BLM: variants seen among roughly 807,000 people sequenced by gnomAD.
BLM encodes recQ-like DNA helicase BLM.
A neutral mutation model predicts 135.3 loss-of-function variants in BLM; 95 were observed. That is an observed-to-expected ratio of 0.70 (90% confidence interval 0.59 to 0.83). The LOEUF is 0.83. Among genes scored for constraint, BLM ranks in the 40% least tolerant of loss-of-function variants. The probability of loss-of-function intolerance (pLI) is 0.00; values close to 1 mark genes in which losing one functional copy is unlikely to be tolerated. For synonymous variants in BLM, 520 were observed against 589.2 expected (o/e 0.88, Z 1.70); for missense variants, 1,518 against 1,663.9 (o/e 0.91, Z 1.53).
chr15:90,776,004 T>A (rs1896468049), intron 12 of BLM, among the ~76,000 whole-genome samples: 1 of 152,150 alleles, frequency 6.6e-6, no homozygotes, highest in Non-Finnish European at 1.5e-5. Flanking sequence ...GTTGTTCACT[T>A]AGTTGACATA....
chr15:90,811,802 TGTATACC>T (rs1897428752), intron 21 of BLM, among the ~76,000 whole-genome samples: 1 of 127,982 alleles, frequency 7.8e-6, no homozygotes, highest in African/African-American at 3.7e-5. Flanking sequence ...GGACTCCAGG[TGTATACC>T]ATCACTCCTG....
At chr15:90,751,714 A>T in intron 3 of BLM, 73 bp from the exon 4 acceptor site, 1 of 1,345,144 alleles carries the variant, frequency 7.4e-7, no homozygotes, top group Non-Finnish European at 1.1e-6. Context: ...ACTCATTCTT[A>T]ATCGCTCATG....
chr15:90,755,003 A>C (rs1895781626), intron 5 of BLM, 65 bp downstream of exon 5: 1 of 1,584,382 alleles, frequency 6.3e-7, no homozygotes, highest in African/African-American at 1.3e-5. Flanking sequence ...AACGTAACAC[A>C]AAGATTGTGT....
chr15:90,812,154 C>A (rs1309331267), intron 21 of BLM, among the ~76,000 whole-genome samples: 1 of 152,148 alleles, frequency 6.6e-6, no homozygotes, highest in African/African-American at 2.4e-5. Flanking sequence ...TGCTCCGCTG[C>A]TTTTATTGCT....
At chr15:90,759,942 T>A (rs1404527169) in intron 5 of BLM, 8 of 372,158 alleles carry the variant, frequency 2.1e-5, no homozygotes, top group Admixed American at 4.2e-5. Flanking sequence ...GAAAAAGAAA[T>A]CAAGATCTTA....
intron 1 of BLM, among the ~76,000 whole-genome samples, chr15:90,737,524 G>A (rs971533666): frequency 2.0e-5 from 3 of 152,182 alleles, no homozygotes; most frequent in African/African-American, 7.2e-5. Flanking sequence ...CATGAATGTT[G>A]TGCCAGGTAA....
rs1284962627 is a variant in BLM at position 90,784,934 on chromosome 15, A to G, written c.2676A>G (p.Ile892Met). ...IRKHHPYDSGIIYCLSRRECD... is the reference protein window; with the variant it reads ...IRKHHPYDSGMIYCLSRRECD... ...GTTTCTTGGCAGATGATTCAGGGAT[A>G]ATTTACTGCCTCTCCAGGCGAGAAT... is the stretch of plus-strand genomic sequence containing the variant. Residue 892 changes from isoleucine to methionine, a missense_variant, in exon 14 of 22, where the codon ATA (isoleucine) becomes ATG (methionine). Ile to Met is a conservative substitution (Grantham distance 10, BLOSUM62 1). This residue lies in a region of BLM where 626 missense variants were observed against 681.1 expected (regional missense o/e 0.92). Coordinates refer to ENST00000355112, the MANE Select transcript of BLM (RefSeq NM_000057.4). The G allele has an allele frequency of 1.2e-6, 2 of 1,613,684 alleles. No homozygotes were observed. The highest frequency in any genetic ancestry group is 1.6e-4 in the Middle Eastern group (1 of 6,062).
rs529887962 is a variant in BLM, at chr15:90,758,356, G to T, written c.1088-1791G>T. On this transcript the variant is annotated intron_variant, in intron 5 of 21. Coordinates refer to ENST00000355112, the MANE Select transcript of BLM (RefSeq NM_000057.4). ...ATACAAAAAAGCCGAGCGTGGTAGC[G>T]TGTGCTTGTAGTCCCAGGCACTCAG... Among the ~76,000 whole-genome samples the T allele has an allele frequency of 3.9e-5, 6 of 152,264 alleles. No individual in the cohort carries two copies. The East Asian group carries it at 1.2e-3, about 30-fold the overall frequency.
intron 14 of BLM, among the ~76,000 whole-genome samples, chr15:90,788,370 T>C (rs1896805714): frequency 6.6e-6 from 1 of 151,776 alleles, no homozygotes; most frequent in Admixed American, 6.6e-5. Flanking sequence ...TTTTCAGATA[T>C]GCAAAAAGTT....
intron 16 of BLM, among the ~76,000 whole-genome samples, chr15:90,795,781 C>T (rs1234842615): frequency 1.3e-5 from 2 of 152,112 alleles, no homozygotes; most frequent in Non-Finnish European, 2.9e-5. Context: ...AATAAATATA[C>T]ATGAAAGGAT....
chr15:90,798,407 T>C, intron 17 of BLM, 70 bp downstream of exon 17: 2 of 1,506,874 alleles, frequency 1.3e-6, no homozygotes, highest in Non-Finnish European at 1.8e-6. Context: ...TTATTACAAG[T>C]ACATAGAAAA....
intron 10 of BLM, among the ~76,000 whole-genome samples, chr15:90,767,942 CT>C (rs201459311): frequency 6.8e-6 from 1 of 148,050 alleles, no homozygotes; most frequent in East Asian, 1.9e-4. Flanking sequence ...GTTGGTTACA[CT>C]TTTTTTTTCT....
rs1414271050 is a variant in BLM at position 90,808,749 on chromosome 15, G to A, written c.3752-388G>A. 1.5e-5 allele frequency: 5 copies of A among 326,940 alleles called. No homozygotes were observed. The Admixed American group carries it at 1.8e-4, about 12-fold the overall frequency. The allele number at this position is 326,940 out of a possible 1,614,324, so 20.3% of individuals were successfully genotyped here. A position where few individuals can be genotyped will look rare whatever the true frequency, so the allele number is the denominator to read the frequency against. On this transcript the variant is annotated intron_variant, in intron 19 of 21. Coordinates refer to ENST00000355112, the MANE Select transcript of BLM (RefSeq NM_000057.4). ...GGAGTGCAGAGAAGAGGCTGGAGCT[G>A]GAAATAGAAATGCAGCGTTCTCAGT...
intron 17 of BLM, among the ~76,000 whole-genome samples, chr15:90,799,167 AAAAGAAAG>A (rs1161757946): frequency 2.0e-5 from 3 of 151,872 alleles, no homozygotes; most frequent in Non-Finnish European, 4.4e-5. Context: ...CCATCTCAAA[AAAAGAAAG>A]AAATGGACAG....
In BLM at chr15:90,769,202, G is replaced by A. The variant is rs1198070682; in HGVS notation, c.2377G>A (p.Val793Ile). Residue 793 changes from valine (V) to isoleucine (I), a missense_variant, in exon 11 of 22, where the codon GTT becomes ATT. By Grantham distance (29) the Val-to-Ile change is conservative (BLOSUM62 3). Transcript: ENST00000355112. Reference sequence around the variant, plus strand: ...TGAGAGGAAGCTCTTGGCACGTTTTGTTATTGATGAAGCACATTGTGTCAG... The same window carrying A: ...TGAGAGGAAGCTCTTGGCACGTTTTATTATTGATGAAGCACATTGTGTCAG... ...LYERKLLARF[V>I]IDEAHCVSQW... 4 of 1,613,444 alleles carry A rather than the reference G, an allele frequency of 2.5e-6. No individual in the cohort carries two copies. The East Asian group carries it at 8.9e-5, about 36-fold the overall frequency.
chr15:90,808,868 G>A (rs538251032), intron 19 of BLM: 39 of 523,648 alleles, frequency 7.4e-5, no homozygotes, highest in African/African-American at 4.2e-4. Flanking sequence ...CATGGCACAG[G>A]TCCCACCCTC....
At position 90,811,391 on chromosome 15, in the gene BLM, G is replaced by T. The variant is rs891751726; in HGVS notation, c.4061G>T (p.Gly1354Val). 3 of 1,614,178 alleles carry T rather than the reference G, an allele frequency of 1.9e-6. No homozygotes were observed. The highest frequency in any genetic ancestry group is 2.5e-6 in the Non-Finnish European group (3 of 1,180,022). ...AAGAGGAGAAAAACTGCTTCCAGTGGTTCCAAGGCAAAGGGGTATGTTTTG... is the reference window on the plus strand; with the variant it reads ...AAGAGGAGAAAAACTGCTTCCAGTGTTTCCAAGGCAAAGGGGTATGTTTTG... Reference protein sequence around the residue: ...RSKRRKTASSGSKAKGGSATC... With the variant: ...RSKRRKTASSVSKAKGGSATC... Residue 1354 changes from glycine (G) to valine (V), a missense_variant, in exon 21 of 22, where the codon GGT (glycine) becomes GTT (valine). Physicochemically the swap from Gly to Val is moderately radical, Grantham distance 109. Coordinates refer to ENST00000355112, the MANE Select transcript of BLM (RefSeq NM_000057.4).
intron 14 of BLM, among the ~76,000 whole-genome samples, chr15:90,789,658 T>C (rs1051676806): frequency 6.6e-6 from 1 of 152,108 alleles, no homozygotes; most frequent in African/African-American, 2.4e-5. Flanking sequence ...GTCCACATAC[T>C]CCAGAGCTTG....
intron 12 of BLM, among the ~76,000 whole-genome samples, chr15:90,772,820 G>T (rs964236682): frequency 2.1e-4 from 32 of 152,108 alleles, no homozygotes; most frequent in African/African-American, 7.2e-4. Flanking sequence ...AGCATAGGTT[G>T]GGCATGGTGA....
Sources: allele counts gnomAD v4.1 joint callset (sites outside exome capture counted in the v4.1 genomes callset), GRCh38; gene constraint gnomAD v4.1.1; regional missense constraint gnomAD v4.1.1; transcripts MANE v1.5; gene names NCBI Gene and HGNC (gene_info 2026-07-23, HGNC 2026-07-21).